The following VAPB variants were observed in gnomAD, a reference collection of about 807,000 sequenced individuals.
The protein encoded by VAPB is VAMP associated protein B and C.
VAPB carries 7 observed loss-of-function variants against 25.6 expected under a neutral mutation model. The ratio of observed to expected loss-of-function variants is 0.27; its 90% confidence interval spans 0.16 to 0.51. The LOEUF (loss-of-function observed/expected upper bound fraction) is 0.51, where lower values mean the gene tolerates loss of function less well. Among genes scored for constraint, VAPB ranks in the 20% least tolerant of loss-of-function variants. The pLI is 0.97. For synonymous variants in VAPB, 112 were observed against 109.2 expected (o/e 1.03, Z -0.16); for missense variants, 266 against 301.3 (o/e 0.88, Z 0.87).
intron 1 of VAPB, among the ~76,000 whole-genome samples, chr20:58,392,524 G>C (rs953582481): frequency 4.6e-5 from 7 of 152,150 alleles, no homozygotes; most frequent in Admixed American, 3.9e-4. Context: ...TAAACTGAAT[G>C]CTAAGACAGT....
chr20:58,439,139 T>C (rs914532895), intron 4 of VAPB, 114 bp downstream of exon 4: 5 of 997,092 alleles, frequency 5.0e-6, no homozygotes, highest in Non-Finnish European at 7.6e-6. Flanking sequence ...TTATCTGATG[T>C]CTGAAGAAAA....
intron 3 of VAPB, among the ~76,000 whole-genome samples, chr20:58,437,898 G>C (rs1350702460): frequency 6.6e-6 from 1 of 152,118 alleles, no homozygotes; most frequent in Non-Finnish European, 1.5e-5. Context: ...GCTGCCTCTT[G>C]CATGGTTTTG....
Position 58,399,963 on chromosome 20 carries a change from C to T in VAPB, c.58+10446C>T, listed in dbSNP as rs11696155. 7.8e-3 allele frequency among the ~76,000 whole-genome samples: 1,193 copies of T among 152,250 alleles called. 8 individuals are homozygous for T. The highest frequency in any genetic ancestry group is 0.024 in the Middle Eastern group (7 of 294). ...TACTATTTTAGTCTTTTAGTTCCAT[C>T]ACTCAGCATTTACAATATAGTAGAA... On this transcript the variant is annotated intron_variant, in intron 1 of 5. Transcript: ENST00000475243.
At chr20:58,426,521 A>G (rs1311274068) in intron 2 of VAPB, among the ~76,000 whole-genome samples, 2 of 152,204 alleles carry the variant, frequency 1.3e-5, no homozygotes, top group Non-Finnish European at 2.9e-5. Flanking sequence ...GTGTAAGGAC[A>G]TAGGGGCATG....
At chr20:58,419,607 A>G (rs959582349) in intron 2 of VAPB, among the ~76,000 whole-genome samples, 3 of 152,248 alleles carry the variant, frequency 2.0e-5, no homozygotes, top group African/African-American at 7.2e-5. Flanking sequence ...AGCAAATAAC[A>G]GAGCCAAGAT....
intron 1 of VAPB, among the ~76,000 whole-genome samples, chr20:58,400,676 T>G (rs1988075830): frequency 6.6e-6 from 1 of 152,190 alleles, no homozygotes. Flanking sequence ...TGTTTTCTTT[T>G]CCGAGTACCC....
chr20:58,421,818 C>T (rs1031507001), intron 2 of VAPB, among the ~76,000 whole-genome samples: 5 of 152,128 alleles, frequency 3.3e-5, no homozygotes, highest in African/African-American at 1.2e-4. Context: ...TTTGAAGGCA[C>T]ACAGGTTCAG....
chr20:58,444,421 T>TC lies in VAPB; in HGVS notation c.*186_*187insC. 1.3e-6 allele frequency: 1 copy of TC among 788,492 alleles called. No individual in the cohort carries two copies. Among genetic ancestry groups the TC allele is most frequent in the Non-Finnish European group, 2.1e-6 (1 of 470,864 alleles). The allele number at this position is 788,492 out of a possible 1,614,324, so 48.8% of individuals were successfully genotyped here. Reference sequence around the variant, plus strand: ...CACACAAATATAATGTAACGATCTTTTAGAAAGTTAAAAATGTATAGTAAC... The same window carrying TC: ...CACACAAATATAATGTAACGATCTTTCTAGAAAGTTAAAAATGTATAGTAAC... On this transcript the variant is annotated 3_prime_UTR_variant, in exon 6 of 6. Coordinates refer to ENST00000475243, the MANE Select transcript of VAPB (RefSeq NM_004738.5).
intron 1 of VAPB, among the ~76,000 whole-genome samples, chr20:58,394,093 A>G (rs994602242): frequency 3.3e-5 from 5 of 152,234 alleles, no homozygotes; most frequent in East Asian, 1.9e-4. Context: ...GACTGAACCA[A>G]TGACCTTCAA....
intron 1 of VAPB, among the ~76,000 whole-genome samples, chr20:58,409,038 T>G (rs6026243): frequency 0.46 from 69,496 of 151,926 alleles, 16,118 homozygotes; most frequent in East Asian, 0.59. Context: ...CTGGATGTGC[T>G]TACAGAGGGT....
intron 1 of VAPB, among the ~76,000 whole-genome samples, chr20:58,403,734 T>C (rs1641950313): frequency 6.6e-6 from 1 of 152,206 alleles, no homozygotes; most frequent in African/African-American, 2.4e-5. Context: ...AATCTCTATC[T>C]CCAAGCAAAT....
chr20:58,449,364 A>G lies in VAPB; in HGVS notation c.*5129A>G, dbSNP rs999310443. 3.3e-5 allele frequency: 15 copies of G among 453,370 alleles called. No homozygotes were observed. The East Asian group carries it at 8.3e-4, about 25-fold the overall frequency. 28.1% of individuals were successfully genotyped at this position (453,370 alleles called of 1,614,324 possible). On this transcript the variant is annotated 3_prime_UTR_variant, in exon 6 of 6. Coordinates refer to ENST00000475243, the MANE Select transcript of VAPB (RefSeq NM_004738.5). The stretch of plus-strand genomic sequence containing the variant: ...AAATTTAAAAGACATGAACTCACAT[A>G]AACAGTTATGGATGATAGTTAAAAG...
At chr20:58,429,288 A>G (rs374701063) in intron 2 of VAPB, among the ~76,000 whole-genome samples, 3 of 152,214 alleles carry the variant, frequency 2.0e-5, no homozygotes, top group Admixed American at 2.0e-4. Context: ...TCACCAATGC[A>G]TGTAGGCATC....
chr20:58,434,821 G>T, intron 3 of VAPB, 116 bp downstream of exon 3: 7 of 648,618 alleles, frequency 1.1e-5, no homozygotes, highest in Non-Finnish European at 2.0e-5. Flanking sequence ...AAAGGGAATA[G>T]TTTTTTTTCA....
chr20:58,415,001 T>C (rs958877722), intron 1 of VAPB, among the ~76,000 whole-genome samples: 38 of 152,308 alleles, frequency 2.5e-4, no homozygotes, highest in African/African-American at 9.1e-4. Flanking sequence ...GGCCGGCGGA[T>C]CACTTGCGGT....
chr20:58,432,024 A>C (rs1988939006), intron 2 of VAPB, among the ~76,000 whole-genome samples: 2 of 152,094 alleles, frequency 1.3e-5, no homozygotes, highest in Non-Finnish European at 2.9e-5. Context: ...TCATGAAAGT[A>C]TTGGGGATGA....
In VAPB at chr20:58,438,904, A is replaced by G. The variant is rs199729933; in HGVS notation, c.316-41A>G. 479 of 1,527,184 alleles carry G rather than the reference A, an allele frequency of 3.1e-4. 4 individuals carry two copies. Among genetic ancestry groups the G allele is most frequent in the Non-Finnish European group, 3.2e-4 (348 of 1,102,372 alleles). The allele number at this position is 1,527,184 out of a possible 1,614,324, so 94.6% of individuals were successfully genotyped here. A position where few individuals can be genotyped will look rare whatever the true frequency, so the allele number is the denominator to read the frequency against. The stretch of plus-strand genomic sequence containing the variant: ...ATAGGAAGAAAGTTATTCTTCCAGC[A>G]GGTTTATAATATCTTGATTATTAAA... On this transcript the variant is annotated intron_variant, in intron 3 of 5. Coordinates refer to ENST00000475243, the MANE Select transcript of VAPB (RefSeq NM_004738.5).
intron 2 of VAPB, among the ~76,000 whole-genome samples, chr20:58,428,392 C>T (rs1217250129): frequency 6.6e-6 from 1 of 152,178 alleles, no homozygotes; most frequent in Non-Finnish European, 1.5e-5. Context: ...AGGGCTTTAT[C>T]ATCAGTATTC....
rs1256057701 is a variant in VAPB at position 58,433,631 on chromosome 20, T to G, written c.212-971T>G. 2.6e-5 allele frequency among the ~76,000 whole-genome samples: 4 copies of G among 152,208 alleles called. No individual in the cohort carries two copies. In the South Asian group the frequency reaches 8.3e-4, roughly 32 times the overall value. Reference sequence around the variant, plus strand: ...CAAATTCACCTCTCTGTGTTCATTCTTTTCATGTGAAAAGTAGACACCAGA... The same window carrying G: ...CAAATTCACCTCTCTGTGTTCATTCGTTTCATGTGAAAAGTAGACACCAGA... On this transcript the variant is annotated intron_variant, in intron 2 of 5. Transcript: ENST00000475243.
Sources: allele counts gnomAD v4.1 joint callset (sites outside exome capture counted in the v4.1 genomes callset), GRCh38; gene constraint gnomAD v4.1.1; transcripts MANE v1.5; gene names NCBI Gene and HGNC (gene_info 2026-07-23, HGNC 2026-07-21).